PITPNC1: variants seen among roughly 807,000 people sequenced by gnomAD.
PITPNC1 encodes the protein phosphatidylinositol transfer protein cytoplasmic 1, also known as cytoplasmic phosphatidylinositol transfer protein 1.
Under a neutral mutation model 44.7 loss-of-function variants are expected in PITPNC1, and 18 were observed. That is an observed-to-expected ratio of 0.40 (90% CI 0.28 to 0.60). PITPNC1 has a LOEUF of 0.60. Among genes scored for constraint, PITPNC1 ranks in the 20% least tolerant of loss-of-function variants. The pLI, the probability that PITPNC1 is intolerant of heterozygous loss-of-function variation, is 0.39. For synonymous variants in PITPNC1, 141 were observed against 149.6 expected (o/e 0.94, Z 0.42); for missense variants, 290 against 418.4 (o/e 0.69, Z 2.68).
intron 2 of PITPNC1, among the ~76,000 whole-genome samples, chr17:67,539,881 T>C (rs1463697169): frequency 6.6e-6 from 1 of 152,082 alleles, no homozygotes. Flanking sequence ...TATAGTATGA[T>C]GCCATTTATA....
At chr17:67,452,267 T>G (rs560389409) in intron 1 of PITPNC1, among the ~76,000 whole-genome samples, 1 of 152,136 alleles carries the variant, frequency 6.6e-6, no homozygotes, top group East Asian at 2.0e-4. Flanking sequence ...TGCCTCAGCC[T>G]CCCAAAGTGC....
Position 67,377,441 on chromosome 17 carries a change from T to G in PITPNC1, c.-714T>G, listed in dbSNP as rs1417491791. ...GCGCCAGCTTCCTCCCGCCCGCCCC[T>G]GGCAGCCGCGAGCCGAGGTTGGAGG... On this transcript the variant is annotated 5_prime_UTR_variant, in exon 1 of 9. Transcript: ENST00000581322. 6.5e-6 allele frequency: 1 copy of G among 152,730 alleles called. No individual in the cohort carries two copies. 9.5% of individuals were successfully genotyped at this position (152,730 alleles called of 1,614,324 possible). A position where few individuals can be genotyped will look rare whatever the true frequency, so the allele number is the denominator to read the frequency against.
intron 1 of PITPNC1, among the ~76,000 whole-genome samples, chr17:67,437,499 C>T (rs1036037939): frequency 1.1e-4 from 17 of 152,156 alleles, no homozygotes; most frequent in Non-Finnish European, 2.9e-5. Flanking sequence ...GGCTTCTACC[C>T]TGCAGAACTG....
intron 4 of PITPNC1, among the ~76,000 whole-genome samples, chr17:67,577,149 G>T (rs1234253958): frequency 6.6e-6 from 1 of 152,004 alleles, no homozygotes; most frequent in African/African-American, 2.4e-5. Flanking sequence ...CGCCAGGCAT[G>T]GTGTCACACA....
chr17:67,561,888 G>A (rs1019750123), intron 4 of PITPNC1, among the ~76,000 whole-genome samples: 2 of 152,108 alleles, frequency 1.3e-5, no homozygotes, highest in Non-Finnish European at 2.9e-5. Context: ...GAGCCATCAC[G>A]CCTGGCCCTA....
In PITPNC1 at chr17:67,605,564, C is replaced by T. The variant is rs542764271; in HGVS notation, c.367-26579C>T. Among the ~76,000 whole-genome samples the T allele has an allele frequency of 3.3e-5, 5 of 152,286 alleles. No individual in the cohort carries two copies. The East Asian group carries it at 9.6e-4, about 29-fold the overall frequency. On this transcript the variant is annotated intron_variant, in intron 5 of 8. Transcript: ENST00000581322. ...TAGCTGGGGGAAATTGCATTAGTGG[C>T]TCGTGTTTTTCTGTCAACCTTCTAA...
intron 5 of PITPNC1, among the ~76,000 whole-genome samples, chr17:67,599,075 C>T (rs1349674809): frequency 9.1e-6 from 1 of 109,702 alleles, no homozygotes; most frequent in Non-Finnish European, 1.8e-5. Flanking sequence ...CCAGGCTGGT[C>T]TTGAACTCCT....
At position 67,680,369 on chromosome 17, in the gene PITPNC1, G is replaced by A. The variant is rs556927721; in HGVS notation, c.682+4827G>A. Among the ~76,000 whole-genome samples, 6 of 152,238 alleles carry A rather than the reference G, an allele frequency of 3.9e-5. No individual in the cohort carries two copies. The East Asian group carries it at 1.2e-3, about 29-fold the overall frequency. On this transcript the variant is annotated intron_variant, in intron 8 of 8. Coordinates refer to ENST00000581322, the MANE Select transcript of PITPNC1 (RefSeq NM_012417.4). ...AACCCCAGCACTTTGGGAGGCCAAG[G>A]CGGGCAGATCACCTGAGGTCAGGAG...
At chr17:67,664,844 G>T (rs1598955269) in intron 6 of PITPNC1, among the ~76,000 whole-genome samples, 1 of 151,338 alleles carries the variant, frequency 6.6e-6, no homozygotes, top group African/African-American at 2.4e-5. Context: ...GGCGGAGATT[G>T]CAGTGAGCCG....
chr17:67,575,329 A>G (rs1991854), intron 4 of PITPNC1, among the ~76,000 whole-genome samples: 119,485 of 151,962 alleles, frequency 0.79, 47,060 homozygotes, highest in Middle Eastern at 0.89. Context: ...CTGAACCCGG[A>G]TATAAGGGCA....
intron 8 of PITPNC1, among the ~76,000 whole-genome samples, chr17:67,688,894 GA>G (rs2042870589): frequency 6.6e-6 from 1 of 152,170 alleles, no homozygotes; most frequent in Non-Finnish European, 1.5e-5. Context: ...GTTTTACTGT[GA>G]TTATTACTTT....
chr17:67,391,420 C>T (rs2038137861), intron 1 of PITPNC1, among the ~76,000 whole-genome samples: 1 of 152,018 alleles, frequency 6.6e-6, no homozygotes, highest in South Asian at 2.1e-4. Context: ...AGGCCAAATC[C>T]AGGTGTTTCT....
Position 67,632,250 on chromosome 17 carries a change from T to C in PITPNC1, c.462+12T>C, listed in dbSNP as rs769596924. On this transcript the variant is annotated intron_variant, in intron 6 of 8. Transcript: ENST00000581322. Reference sequence around the variant, plus strand: ...ACAAAGAATCTGAGGTAAGCAACAGTTGGGATGAGATGTGGAAGATTCATT... The same window carrying C: ...ACAAAGAATCTGAGGTAAGCAACAGCTGGGATGAGATGTGGAAGATTCATT... The C allele has an allele frequency of 6.6e-7, 1 of 1,511,968 alleles. No individual in the cohort carries two copies. 93.7% of individuals were successfully genotyped at this position (1,511,968 alleles called of 1,614,324 possible).
At chr17:67,558,546 A>C (rs2040868197) in intron 4 of PITPNC1, among the ~76,000 whole-genome samples, 1 of 152,208 alleles carries the variant, frequency 6.6e-6, no homozygotes, top group Non-Finnish European at 1.5e-5. Context: ...TGAAGAACAA[A>C]GGATTTTCTT....
At chr17:67,412,976 AGTTGGTTGCTAGATAATACCTTCG>A (rs1482214932) in intron 1 of PITPNC1, among the ~76,000 whole-genome samples, 1 of 152,050 alleles carries the variant, frequency 6.6e-6, no homozygotes, top group Admixed American at 6.6e-5. Context: ...CTCCTTAATG[AGTTGGTTGCTAGATAATACCTTCG>A]GTGTTTTTGA....
At chr17:67,653,938 C>A (rs536430962) in intron 6 of PITPNC1, among the ~76,000 whole-genome samples, 113 of 152,260 alleles carry the variant, frequency 7.4e-4, no homozygotes, top group Non-Finnish European at 9.4e-4. Context: ...CTTTGAGGCT[C>A]ACCCATCCTG....
intron 1 of PITPNC1, among the ~76,000 whole-genome samples, chr17:67,413,647 C>T (rs757873613): frequency 2.0e-5 from 3 of 152,070 alleles, no homozygotes; most frequent in Non-Finnish European, 4.4e-5. Context: ...TTGATGCATG[C>T]TGGGTGACAT....
intron 1 of PITPNC1, among the ~76,000 whole-genome samples, chr17:67,393,532 G>C (rs1003513557): frequency 2.0e-5 from 3 of 152,098 alleles, no homozygotes; most frequent in Non-Finnish European, 4.4e-5. Context: ...GTCAAAGGAA[G>C]AAAATGACAA....
chr17:67,615,520 T>C (rs1004851387), intron 5 of PITPNC1, among the ~76,000 whole-genome samples: 3 of 152,160 alleles, frequency 2.0e-5, no homozygotes, highest in African/African-American at 7.2e-5. Flanking sequence ...TATTTCATTC[T>C]CTTGAGGCTG....
Sources: allele counts gnomAD v4.1 joint callset (sites outside exome capture counted in the v4.1 genomes callset), GRCh38; gene constraint gnomAD v4.1.1; transcripts MANE v1.5; gene names NCBI Gene and HGNC (gene_info 2026-07-23, HGNC 2026-07-21).